CFAP20DC: variants seen among roughly 807,000 people sequenced by gnomAD.
CFAP20DC encodes protein CFAP20DC.
Under a neutral mutation model 101.7 loss-of-function variants are expected in CFAP20DC, and 84 were observed. That is an observed-to-expected ratio of 0.83 (90% confidence interval 0.69 to 0.99). The LOEUF (loss-of-function observed/expected upper bound fraction) is 0.99, where lower values mean the gene tolerates loss of function less well. Ranked by LOEUF, CFAP20DC falls within the 50% of genes least tolerant of loss-of-function variation. CFAP20DC has a pLI of 0.00. For missense variants in CFAP20DC, 1,007 were observed against 970.3 expected, an observed-to-expected ratio of 1.04 and a Z score of -0.50; for synonymous variants, 359 against 351.2, an observed-to-expected ratio of 1.02 and a Z score of -0.25.
intron 4 of CFAP20DC, among the ~76,000 whole-genome samples, chr3:58,963,188 G>GC (rs2091282388): frequency 7.8e-6 from 1 of 127,444 alleles, no homozygotes; most frequent in Admixed American, 8.4e-5. Context: ...AGGTTCAGTA[G>GC]TTTGTGTGTG....
In CFAP20DC at chr3:58,783,248, T is replaced by G. The variant is rs559943760; in HGVS notation, c.2237+23147A>C. On this transcript the variant is annotated intron_variant, in intron 15 of 16. Coordinates refer to ENST00000482387, the MANE Select transcript of CFAP20DC (RefSeq NM_001394063.1). ...CCATATGCAGAAGAATAAAACTAGA[T>G]GCCTACTTCTCATCATATACAAAAA... is the stretch of plus-strand genomic sequence containing the variant. Among the ~76,000 whole-genome samples, 19 of 152,030 alleles carry G rather than the reference T, an allele frequency of 1.2e-4. No homozygotes were observed. In the East Asian group the frequency reaches 3.7e-3, roughly 29 times the overall value.
At chr3:58,809,950 T>A (rs890075617) in intron 14 of CFAP20DC, among the ~76,000 whole-genome samples, 5 of 152,132 alleles carry the variant, frequency 3.3e-5, no homozygotes, top group Non-Finnish European at 7.4e-5. Context: ...CTAGAAAATC[T>A]AGAAGAAATG....
rs115702768 is a variant in CFAP20DC, at chr3:58,764,523, G to A, written c.2238-10660C>T. On this transcript the variant is annotated intron_variant, in intron 15 of 16. Transcript: ENST00000482387. ...CCTCGCCCTGCTTCAGCTCACGGTC[G>A]GTGTACTGCACCCACTGTCCGATAC... 9.7e-3 allele frequency among the ~76,000 whole-genome samples: 1,481 copies of A among 152,156 alleles called. 27 individuals carry two copies. The highest frequency in any genetic ancestry group is 0.034 in the African/African-American group (1,392 of 41,514).
At chr3:58,733,170 A>G (rs1317247693) in intron 3 of CFAP20DC, among the ~76,000 whole-genome samples, 1 of 152,270 alleles carries the variant, frequency 6.6e-6, no homozygotes, top group East Asian at 1.9e-4. Flanking sequence ...CGTGTCAACT[A>G]AAAATACAAA....
intron 4 of CFAP20DC, among the ~76,000 whole-genome samples, chr3:58,960,359 G>A (rs1170678442): frequency 6.6e-6 from 1 of 151,884 alleles, no homozygotes; most frequent in Non-Finnish European, 1.5e-5. Flanking sequence ...GGGCGTGGTG[G>A]TGCATGCCTG....
At chr3:58,776,833 A>G (rs2071380432) in intron 15 of CFAP20DC, among the ~76,000 whole-genome samples, 1 of 151,972 alleles carries the variant, frequency 6.6e-6, no homozygotes, top group Non-Finnish European at 1.5e-5. Flanking sequence ...AAAAAAGGCA[A>G]CAGAAAGAAC....
chr3:58,991,982 C>T (rs1370396532), intron 4 of CFAP20DC, among the ~76,000 whole-genome samples: 1 of 152,180 alleles, frequency 6.6e-6, no homozygotes, highest in East Asian at 1.9e-4. Context: ...TGCTGCTAAA[C>T]ACATAGTAAG....
intron 5 of CFAP20DC, among the ~76,000 whole-genome samples, chr3:58,918,022 A>G (rs965278781): frequency 3.9e-5 from 6 of 152,144 alleles, no homozygotes; most frequent in African/African-American, 1.4e-4. Context: ...CTGAAATCAT[A>G]GTTTCATACT....
intron 5 of CFAP20DC, among the ~76,000 whole-genome samples, chr3:58,916,875 A>G (rs994143148): frequency 3.3e-5 from 5 of 152,178 alleles, no homozygotes; most frequent in African/African-American, 9.6e-5. Context: ...TAAACTCTCT[A>G]CTACCAACAG....
chr3:58,891,615 G>A (rs1276439222), intron 6 of CFAP20DC, among the ~76,000 whole-genome samples: 1 of 152,118 alleles, frequency 6.6e-6, no homozygotes, highest in Non-Finnish European at 1.5e-5. Flanking sequence ...CTTTTGAGAA[G>A]TGTCTGTTCA....
intron 5 of CFAP20DC, among the ~76,000 whole-genome samples, chr3:58,934,867 C>G (rs1311731073): frequency 9.9e-5 from 15 of 152,174 alleles, no homozygotes; most frequent in African/African-American, 3.4e-4. Context: ...TGGCACAAGA[C>G]AGGGATGCCC....
chr3:58,848,915 T>G (rs1339404673), intron 13 of CFAP20DC, 117 bp downstream of exon 13: 1 of 1,264,512 alleles, frequency 7.9e-7, no homozygotes, highest in East Asian at 2.5e-5. Flanking sequence ...GGAAAGAAAA[T>G]ACAACACTCA....
intron 6 of CFAP20DC, among the ~76,000 whole-genome samples, chr3:58,888,650 T>G (rs2106696344): frequency 6.6e-6 from 1 of 152,340 alleles, no homozygotes; most frequent in African/African-American, 2.4e-5. Context: ...TATGAGAGCA[T>G]GCAGTATTTG....
intron 13 of CFAP20DC, among the ~76,000 whole-genome samples, chr3:58,842,454 G>C (rs1383062406): frequency 6.6e-6 from 1 of 151,858 alleles, no homozygotes; most frequent in African/African-American, 2.4e-5. Flanking sequence ...GCGCTTTTCA[G>C]ACCGGCTTAA....
chr3:58,890,833 C>G (rs899874678), intron 6 of CFAP20DC, among the ~76,000 whole-genome samples: 3 of 149,416 alleles, frequency 2.0e-5, no homozygotes, highest in Non-Finnish European at 4.4e-5. Context: ...GATGGGCCGC[C>G]GGGCAGAGAC....
chr3:58,782,072 T>C (rs558289897), intron 15 of CFAP20DC, among the ~76,000 whole-genome samples: 4 of 151,880 alleles, frequency 2.6e-5, no homozygotes, highest in Admixed American at 6.6e-5. Flanking sequence ...AAAAAATTAA[T>C]ATACAAAGAT....
At chr3:58,802,981 A>T (rs1300656587) in intron 15 of CFAP20DC, among the ~76,000 whole-genome samples, 3 of 152,190 alleles carry the variant, frequency 2.0e-5, no homozygotes, top group Non-Finnish European at 2.9e-5. Flanking sequence ...CTCCAAAAAA[A>T]AAAAGAAAAA....
chr3:58,870,096 T>C, intron 8 of CFAP20DC, 77 bp downstream of exon 8: 1 of 489,280 alleles, frequency 2.0e-6, no homozygotes, highest in Non-Finnish European at 4.2e-6. Context: ...CCTCCCTCCC[T>C]CCCTCTACAA....
intron 13 of CFAP20DC, 67 bp from the exon 14 acceptor site, chr3:58,831,956 A>T: frequency 7.3e-7 from 1 of 1,367,662 alleles, no homozygotes; most frequent in Middle Eastern, 1.8e-4. Flanking sequence ...AACAAATGCC[A>T]CAGCCTTAAC....
Sources: gnomAD v4.1 joint callset for allele counts (sites outside exome capture counted in the v4.1 genomes callset) on GRCh38, gnomAD v4.1.1 for gene constraint, MANE v1.5 for transcripts, NCBI Gene and HGNC (gene_info 2026-07-23, HGNC 2026-07-21) for gene names.